The following DLGAP2 variants were observed in gnomAD, a reference collection of about 807,000 sequenced individuals.
The protein encoded by DLGAP2 is DLG associated protein 2.
Under a neutral mutation model 100.3 loss-of-function variants are expected in DLGAP2, and 26 were observed. The observed-to-expected ratio is 0.26, with a 90% CI of 0.19 to 0.36. The LOEUF (loss-of-function observed/expected upper bound fraction) is 0.36. Ranked by LOEUF, DLGAP2 falls within the 10% of genes least tolerant of loss-of-function variation. DLGAP2 has a pLI of 1.00. For missense variants in DLGAP2, 1,858 were observed against 1,453.2 expected (o/e 1.28, Z -4.53); for synonymous variants, 886 against 630.1 (o/e 1.41, Z -6.08).
intron 3 of DLGAP2, among the ~76,000 whole-genome samples, chr8:1,435,008 T>G (rs1429161398): frequency 1.3e-5 from 2 of 152,170 alleles, no homozygotes; most frequent in Non-Finnish European, 2.9e-5. Context: ...CTCTGTGTTA[T>G]TCTTCCTAAA....
At chr8:1,671,605 T>C (rs1023429046) in intron 10 of DLGAP2, among the ~76,000 whole-genome samples, 11 of 152,240 alleles carry the variant, frequency 7.2e-5, no homozygotes, top group African/African-American at 2.7e-4. Context: ...TATCAGGGTT[T>C]GAATTCAGGA....
chr8:1,245,634 C>T (rs766886407), intron 2 of DLGAP2, among the ~76,000 whole-genome samples: 11 of 152,208 alleles, frequency 7.2e-5, no homozygotes, highest in Middle Eastern at 3.4e-3. Flanking sequence ...TTTGGAGTGA[C>T]GAAATGTTAT....
intron 2 of DLGAP2, among the ~76,000 whole-genome samples, chr8:1,151,973 C>G (rs2129051611): frequency 1.3e-5 from 2 of 152,358 alleles, no homozygotes; most frequent in East Asian, 3.9e-4. Flanking sequence ...TCCCACAAGA[C>G]ACCTGCGAGT....
intron 1 of DLGAP2, among the ~76,000 whole-genome samples, chr8:746,918 C>T (rs1469936654): frequency 6.6e-6 from 1 of 152,128 alleles, no homozygotes; most frequent in East Asian, 1.9e-4. Context: ...TGATGTCGGC[C>T]CTGCAGGCGT....
At position 1,568,453 on chromosome 8, in the gene DLGAP2, C is replaced by T. The variant is rs566778437; in HGVS notation, c.1442+2559C>T. ...ACAAATCCACTCTGCCCGTGGCCCC[C>T]GTGCCACTGTCCACTCAGCAGACAC... On this transcript the variant is annotated intron_variant, in intron 6 of 14. Transcript: ENST00000637795. Among the ~76,000 whole-genome samples, 18 of 148,336 alleles carry T rather than the reference C, an allele frequency of 1.2e-4. No homozygotes were observed. The East Asian group carries it at 3.1e-3, about 26-fold the overall frequency.
intron 2 of DLGAP2, among the ~76,000 whole-genome samples, chr8:1,024,118 T>G (rs546669011): frequency 1.3e-4 from 20 of 151,508 alleles, no homozygotes; most frequent in Admixed American, 2.6e-4. Context: ...GAATCCCCAG[T>G]GGAGGAGTGG....
chr8:1,644,215 C>G (rs901235300), intron 8 of DLGAP2, among the ~76,000 whole-genome samples: 1 of 152,256 alleles, frequency 6.6e-6, no homozygotes, highest in Non-Finnish European at 1.5e-5. Flanking sequence ...CCCACCCACT[C>G]TCCATCCTGC....
intron 2 of DLGAP2, among the ~76,000 whole-genome samples, chr8:1,177,612 C>G (rs1425870862): frequency 1.3e-5 from 2 of 152,156 alleles, no homozygotes; most frequent in Non-Finnish European, 2.9e-5. Context: ...ATAGGCAAAG[C>G]CTGTCTTAGT....
At chr8:868,444 T>G (rs1585952732) in intron 1 of DLGAP2, among the ~76,000 whole-genome samples, 1 of 152,196 alleles carries the variant, frequency 6.6e-6, no homozygotes, top group South Asian at 2.1e-4. Flanking sequence ...CACAGAAACA[T>G]CTCGCTGTGA....
intron 2 of DLGAP2, among the ~76,000 whole-genome samples, chr8:1,029,044 G>A (rs1309830103): frequency 6.6e-6 from 1 of 152,178 alleles, no homozygotes; most frequent in African/African-American, 2.4e-5. Flanking sequence ...CTGAGCCTTG[G>A]AAGGACTCTG....
At chr8:855,357 C>CGTACGGTCAGGAGG (rs1797257983) in intron 1 of DLGAP2, among the ~76,000 whole-genome samples, 1 of 152,130 alleles carries the variant, frequency 6.6e-6, no homozygotes, top group Non-Finnish European at 1.5e-5. Context: ...GTTCTCTGTG[C>CGTACGGTCAGGAGG]TCCCCACTCA....
chr8:1,093,080 G>C (rs577177784), intron 2 of DLGAP2, among the ~76,000 whole-genome samples: 1 of 152,270 alleles, frequency 6.6e-6, no homozygotes, highest in African/African-American at 2.4e-5. Context: ...AACCGAGGCC[G>C]AGCTCCTTCC....
intron 1 of DLGAP2, among the ~76,000 whole-genome samples, chr8:889,396 A>G (rs886222559): frequency 4.6e-5 from 7 of 152,112 alleles, no homozygotes; most frequent in African/African-American, 1.7e-4. Flanking sequence ...TCCCAGGAGG[A>G]GAGGCTAAGT....
intron 1 of DLGAP2, among the ~76,000 whole-genome samples, chr8:781,519 A>C (rs1227234321): frequency 6.6e-6 from 1 of 152,184 alleles, no homozygotes; most frequent in Non-Finnish European, 1.5e-5. Flanking sequence ...TGCTGTAATT[A>C]ACTTTTAGTG....
At chr8:924,221 G>A (rs771491599) in intron 2 of DLGAP2, among the ~76,000 whole-genome samples, 10 of 152,204 alleles carry the variant, frequency 6.6e-5, no homozygotes, top group Non-Finnish European at 1.5e-4. Context: ...TCTTGAAGGA[G>A]GTGACGTTAA....
intron 2 of DLGAP2, among the ~76,000 whole-genome samples, chr8:1,184,171 C>T (rs1190149129): frequency 1.3e-5 from 2 of 152,226 alleles, no homozygotes; most frequent in Non-Finnish European, 2.9e-5. Context: ...ATGCAACCGT[C>T]ATGCCTCATT....
intron 2 of DLGAP2, among the ~76,000 whole-genome samples, chr8:973,897 G>A (rs1211835328): frequency 1.4e-4 from 19 of 134,556 alleles, no homozygotes; most frequent in East Asian, 4.7e-4. Context: ...CTCCGCCACC[G>A]CCGCCACCGC....
chr8:1,599,619 G>A (rs1197287093), intron 6 of DLGAP2, among the ~76,000 whole-genome samples: 2 of 152,034 alleles, frequency 1.3e-5, no homozygotes, highest in South Asian at 2.1e-4. Context: ...ATCCCTTTAC[G>A]ATTATGTGAT....
At chr8:1,663,378 G>A (rs754041552) in intron 8 of DLGAP2, among the ~76,000 whole-genome samples, 9 of 152,148 alleles carry the variant, frequency 5.9e-5, no homozygotes, top group South Asian at 4.1e-4. Flanking sequence ...TTGGGGACCC[G>A]GTGGTGACAG....
Sources: gnomAD v4.1 joint callset for allele counts (sites outside exome capture counted in the v4.1 genomes callset) on GRCh38, gnomAD v4.1.1 for gene constraint, MANE v1.5 for transcripts, NCBI Gene and HGNC (gene_info 2026-07-23, HGNC 2026-07-21) for gene names.